BSN: variants seen among roughly 807,000 people sequenced by gnomAD.
The protein encoded by BSN is protein bassoon.
BSN carries 57 observed loss-of-function variants against 264.8 expected under a neutral mutation model. The ratio of observed to expected loss-of-function variants is 0.22; its 90% CI spans 0.17 to 0.27. BSN has a LOEUF of 0.27. BSN is among the 10% of genes least tolerant of loss of function. BSN has a pLI of 1.00. For synonymous variants in BSN, 2,059 were observed against 2,137.3 expected, an observed-to-expected ratio of 0.96 and a Z score of 1.01; for missense variants, 4,615 against 5,232.5, an observed-to-expected ratio of 0.88 and a Z score of 3.64.
At chr3:49,588,054 T>TG (rs1257742134) in intron 1 of BSN, among the ~76,000 whole-genome samples, 1 of 151,884 alleles carries the variant, frequency 6.6e-6, no homozygotes, top group East Asian at 1.9e-4. Flanking sequence ...CCCAAGTAGC[T>TG]GGGATTATAG....
intron 1 of BSN, among the ~76,000 whole-genome samples, chr3:49,597,718 C>A (rs2052036780): frequency 6.6e-6 from 1 of 152,166 alleles, no homozygotes; most frequent in Non-Finnish European, 1.5e-5. Flanking sequence ...TCTCGGCTCG[C>A]TGCAAACTCC....
intron 1 of BSN, among the ~76,000 whole-genome samples, chr3:49,573,732 A>G (rs2108009374): frequency 6.8e-6 from 1 of 147,516 alleles, no homozygotes; most frequent in Non-Finnish European, 1.5e-5. Context: ...ATCTTGGCTC[A>G]CCACAACCTC....
chr3:49,657,237 C>T lies in BSN; in HGVS notation c.7681C>T (p.Arg2561Cys), dbSNP rs763934752. 7 of 1,613,500 alleles carry T rather than the reference C, an allele frequency of 4.3e-6. No homozygotes were observed. In the South Asian group the frequency reaches 4.4e-5, roughly 10 times the overall value. ...CATCAAGAAGCGGCACTCCATGCCACGCCTGCGGGATGCCTGTGAGCTAGA... is the reference window on the plus strand; with the variant it reads ...CATCAAGAAGCGGCACTCCATGCCATGCCTGCGGGATGCCTGTGAGCTAGA... ...SGIKKRHSMP[R>C]LRDACELESG... The change falls in exon 5 of 12, where the codon CGC (arginine) becomes TGC (cysteine). Residue 2561 changes from arginine (R) to cysteine (C), a missense_variant. Around this residue, in one of 3 missense-constraint regions of BSN, gnomAD observed 3,415 missense variants for 3,866.4 expected, o/e 0.88. Transcript: ENST00000296452.
Position 49,668,670 on chromosome 3 carries a change from G to C in BSN, c.*1185G>C, listed in dbSNP as rs2108104814. ...AAGCCATCACCAGTGGGTGTACTCA[G>C]AGCAGAGGGGCCAGGACTTCTGCCA... On this transcript the variant is annotated 3_prime_UTR_variant, in exon 12 of 12. Transcript: ENST00000296452. The C allele has an allele frequency of 6.5e-6, 1 of 152,812 alleles. No homozygotes were observed. Among genetic ancestry groups the C allele is most frequent in the South Asian group, 2.1e-4 (1 of 4,830 alleles). The allele number at this position is 152,812 out of a possible 1,614,324, so 9.5% of individuals were successfully genotyped here.
intron 1 of BSN, among the ~76,000 whole-genome samples, chr3:49,567,185 T>G (rs1227482188): frequency 6.6e-6 from 1 of 152,226 alleles, no homozygotes; most frequent in African/African-American, 2.4e-5. Context: ...TAAGACTTCC[T>G]TCTGGTTCCC....
intron 1 of BSN, among the ~76,000 whole-genome samples, chr3:49,605,547 ATT>A (rs1253688521): frequency 7.2e-4 from 3 of 4,186 alleles, no homozygotes; most frequent in Non-Finnish European, 1.1e-3. Flanking sequence ...TATTATATAT[ATT>A]TTATATAATA....
In BSN at chr3:49,671,305, C is replaced by T. The variant is rs1195288957; in HGVS notation, c.*3820C>T. 1 of 152,610 alleles carries T rather than the reference C, an allele frequency of 6.6e-6. No individual in the cohort carries two copies. The highest frequency in any genetic ancestry group is 1.5e-5 in the Non-Finnish European group (1 of 68,064). The allele number at this position is 152,610 out of a possible 1,614,324, so 9.5% of individuals were successfully genotyped here. On this transcript the variant is annotated 3_prime_UTR_variant, in exon 12 of 12. Transcript: ENST00000296452. This position sits in a 1 kb window ranked among gnomAD's most constrained non-coding sequence, Gnocchi z 4.1. ...TCTTGTTTTTGCTTTCCCCTTCCTCCTCCCTCTCTCCCTTTCTTTCCTTCT... is the reference window on the plus strand; with the variant it reads ...TCTTGTTTTTGCTTTCCCCTTCCTCTTCCCTCTCTCCCTTTCTTTCCTTCT...
intron 2 of BSN, among the ~76,000 whole-genome samples, chr3:49,639,450 T>C (rs897824607): frequency 1.3e-5 from 2 of 152,138 alleles, no homozygotes; most frequent in Non-Finnish European, 2.9e-5. Context: ...CGCCCGCCTC[T>C]GCCTCTCAAA....
chr3:49,653,525 C>G lies in BSN; in HGVS notation c.3969C>G (p.Phe1323Leu). The G allele has an allele frequency of 6.2e-7, 1 of 1,613,974 alleles. No individual in the cohort carries two copies. The highest frequency in any genetic ancestry group is 8.5e-7 in the Non-Finnish European group (1 of 1,179,944). ...SPTQLAAPVS[F>L]STPTSSDSSG... The stretch of plus-strand genomic sequence containing the variant: ...CCCAGCTCGCTGCCCCTGTGTCCTT[C>G]TCTACCCCCACCTCCTCAGACAGCA... The change falls in exon 5 of 12, where the codon TTC (phenylalanine) becomes TTG (leucine). Residue 1323 changes from phenylalanine to leucine, a missense_variant. Phe to Leu is a conservative substitution (Grantham distance 22). Coordinates refer to ENST00000296452, the MANE Select transcript of BSN (RefSeq NM_003458.4). This position sits in a 1 kb window ranked among gnomAD's most constrained non-coding sequence, Gnocchi z 6.3.
intron 1 of BSN, among the ~76,000 whole-genome samples, chr3:49,623,189 A>C (rs1464721044): frequency 6.6e-6 from 1 of 152,140 alleles, no homozygotes; most frequent in African/African-American, 2.4e-5. Flanking sequence ...GATGGCCTTC[A>C]GATGGGGGCA....
intron 10 of BSN, 84 bp downstream of exon 10, chr3:49,664,937 G>T: frequency 9.4e-7 from 1 of 1,059,510 alleles, no homozygotes; most frequent in African/African-American, 1.6e-5. Context: ...AGTCCGAAGG[G>T]GTCCTCTGGG....
intron 2 of BSN, among the ~76,000 whole-genome samples, chr3:49,634,085 G>A (rs1488022502): frequency 6.6e-6 from 1 of 152,160 alleles, no homozygotes; most frequent in Admixed American, 6.5e-5. Context: ...GCCCATGCCT[G>A]TAGTCCCAGC....
downstream of BSN, among the ~76,000 whole-genome samples, chr3:49,673,088 T>TTTTTTTTTTTC (rs2052848633): frequency 2.2e-5 from 1 of 45,548 alleles, no homozygotes; most frequent in Non-Finnish European, 4.0e-5. Flanking sequence ...CGGCCGGGAC[T>TTTTTTTTTTTC]TTTTTTTTTT....
chr3:49,555,677 TATA>T (rs1397882165), intron 1 of BSN, among the ~76,000 whole-genome samples: 1 of 152,184 alleles, frequency 6.6e-6, no homozygotes, highest in Non-Finnish European at 1.5e-5. Context: ...AATGCCAATA[TATA>T]ATAAGTCAGT....
chr3:49,558,067 G>A (rs2051687705), intron 1 of BSN, among the ~76,000 whole-genome samples: 1 of 152,208 alleles, frequency 6.6e-6, no homozygotes, highest in Non-Finnish European at 1.5e-5. Context: ...AACCCTAAGA[G>A]AGACACTGTG....
chr3:49,580,339 G>C (rs908053915), intron 1 of BSN, among the ~76,000 whole-genome samples: 8 of 152,154 alleles, frequency 5.3e-5, no homozygotes, highest in South Asian at 2.1e-4. Context: ...GTTTGTGAAA[G>C]ATTAATATGA....
chr3:49,661,819 A>T lies in BSN; in HGVS notation c.9974A>T (p.Tyr3325Phe). The change falls in exon 6 of 12, where the codon TAC (tyrosine) becomes TTC (phenylalanine). Residue 3325 changes from tyrosine to phenylalanine, a missense_variant. Tyr to Phe is a conservative substitution (Grantham distance 22). Coordinates refer to ENST00000296452, the MANE Select transcript of BSN (RefSeq NM_003458.4). The part of the protein sequence containing the change: ...ASTHYYGDSD[Y>F]RHGARVEKYG... ...ACCCACTACTATGGTGACAGTGACTACAGGCATGGGGCTCGAGTAGAGAAG... is the reference window on the plus strand; with the variant it reads ...ACCCACTACTATGGTGACAGTGACTTCAGGCATGGGGCTCGAGTAGAGAAG... 1.9e-6 allele frequency: 3 copies of T among 1,613,620 alleles called. No individual in the cohort carries two copies. The highest frequency in any genetic ancestry group is 2.5e-6 in the Non-Finnish European group (3 of 1,180,044).
chr3:49,664,384 G>C (rs375446056), intron 8 of BSN, 39 bp from the exon 9 acceptor site: 2 of 1,613,524 alleles, frequency 1.2e-6, no homozygotes, highest in African/African-American at 1.3e-5. Context: ...AAAGAGCCAG[G>C]CCGTGCATAG....
At position 49,655,868 on chromosome 3, in the gene BSN, C is replaced by T; in HGVS notation, c.6312C>T (p.Ala2104=). The T allele has an allele frequency of 6.2e-7, 1 of 1,613,180 alleles. No individual in the cohort carries two copies. The highest frequency in any genetic ancestry group is 8.5e-7 in the Non-Finnish European group (1 of 1,179,992). ...GTGAAATCAGTCGCATGTGCGCTGCCCTCAACTCCATGGACCAGTATGGTG... is the reference window on the plus strand; with the variant it reads ...GTGAAATCAGTCGCATGTGCGCTGCTCTCAACTCCATGGACCAGTATGGTG... ...TAREISRMCA[A]LNSMDQYGGR... Residue 2104 remains alanine, a synonymous_variant, in exon 5 of 12, where the codon GCC becomes GCT. Transcript: ENST00000296452.
Sources: allele counts gnomAD v4.1 joint callset (sites outside exome capture counted in the v4.1 genomes callset), GRCh38; gene constraint gnomAD v4.1.1; regional missense constraint gnomAD v4.1.1; non-coding constraint Gnocchi (gnomAD v3.1); transcripts MANE v1.5; gene names NCBI Gene and HGNC (gene_info 2026-07-23, HGNC 2026-07-21).